MTREX: variants seen among roughly 807,000 people sequenced by gnomAD.
MTREX encodes exosome RNA helicase MTR4.
Under a neutral mutation model 135.4 loss-of-function variants are expected in MTREX, and 76 were observed. The ratio of observed to expected loss-of-function variants is 0.56; its 90% CI spans 0.47 to 0.68. The LOEUF is 0.68. MTREX is among the 30% of genes least tolerant of loss of function. The pLI is 0.00. For synonymous variants in MTREX, 404 were observed against 401.6 expected, an observed-to-expected ratio of 1.01 and a Z score of -0.07; for missense variants, 920 against 1,262.1, an observed-to-expected ratio of 0.73 and a Z score of 4.11.
rs371387162 is a variant in MTREX at position 55,353,149 on chromosome 5, G to A, written c.1432-19G>A. The A allele has an allele frequency of 1.3e-6, 2 of 1,494,380 alleles. No individual in the cohort carries two copies. Among genetic ancestry groups the A allele is most frequent in the East Asian group, 4.8e-5 (2 of 41,970 alleles). The allele number at this position is 1,494,380 out of a possible 1,614,324, so 92.6% of individuals were successfully genotyped here. ...AGCTTAAAATACATGTTTAATTATAGAATTACTTATTTACTTAGGCCTTAT... is the reference window on the plus strand; with the variant it reads ...AGCTTAAAATACATGTTTAATTATAAAATTACTTATTTACTTAGGCCTTAT... On this transcript the variant is annotated intron_variant, in intron 13 of 26. Transcript: ENST00000230640.
chr5:55,367,528 T>C (rs878962631), intron 16 of MTREX, among the ~76,000 whole-genome samples: 20 of 152,142 alleles, frequency 1.3e-4, no homozygotes, highest in African/African-American at 4.6e-4. Context: ...CCTTGTCCTT[T>C]CACCATTTCT....
At chr5:55,424,408 G>C (rs934786768) in intron 26 of MTREX, 1 of 183,614 alleles carries the variant, frequency 5.4e-6, no homozygotes, top group Non-Finnish European at 1.1e-5. Flanking sequence ...GCCTCCCAGA[G>C]TGCTGGGATT....
chr5:55,324,110 A>C (rs1749330714), intron 2 of MTREX, 22 bp from the exon 3 acceptor site: 3 of 1,583,092 alleles, frequency 1.9e-6, no homozygotes, highest in Non-Finnish European at 2.6e-6. Flanking sequence ...TTTTTGTGTA[A>C]CTTTAAACAA....
At chr5:55,358,346 A>G (rs1561196511) in intron 14 of MTREX, among the ~76,000 whole-genome samples, 1 of 152,264 alleles carries the variant, frequency 6.6e-6, no homozygotes, top group East Asian at 1.9e-4. Context: ...TAAGTCTAAA[A>G]TTTAGTTTTG....
chr5:55,310,082 T>C (rs1474244696), intron 1 of MTREX, among the ~76,000 whole-genome samples: 1 of 152,238 alleles, frequency 6.6e-6, no homozygotes, highest in East Asian at 1.9e-4. Context: ...CATGTTAGTA[T>C]ATACTTTACC....
At chr5:55,376,319 G>T (rs1750299720) in intron 16 of MTREX, among the ~76,000 whole-genome samples, 1 of 152,224 alleles carries the variant, frequency 6.6e-6, no homozygotes, top group South Asian at 2.1e-4. Context: ...CACTGCATTT[G>T]CATGCGACGT....
chr5:55,352,093 C>G (rs1230762114), intron 13 of MTREX, among the ~76,000 whole-genome samples: 3 of 151,544 alleles, frequency 2.0e-5, no homozygotes, highest in Admixed American at 6.6e-5. Flanking sequence ...CCATGTTGGC[C>G]AGGCTGGTCT....
At chr5:55,413,778 T>C (rs1321161565) in intron 23 of MTREX, among the ~76,000 whole-genome samples, 1 of 152,226 alleles carries the variant, frequency 6.6e-6, no homozygotes, top group African/African-American at 2.4e-5. Flanking sequence ...AACTTTTCAG[T>C]TTCTACAGAT....
At chr5:55,376,487 G>T (rs551883575) in intron 16 of MTREX, among the ~76,000 whole-genome samples, 1 of 152,328 alleles carries the variant, frequency 6.6e-6, no homozygotes, top group African/African-American at 2.4e-5. Context: ...TTGGTGTAAT[G>T]CCATTCCAGC....
chr5:55,405,790 A>G (rs1200727148), intron 22 of MTREX, among the ~76,000 whole-genome samples: 1 of 152,184 alleles, frequency 6.6e-6, no homozygotes, highest in Non-Finnish European at 1.5e-5. Flanking sequence ...AGCTTTCTTA[A>G]AAATATAAAG....
chr5:55,366,619 G>T, intron 15 of MTREX, 106 bp from the exon 16 acceptor site: 1 of 773,872 alleles, frequency 1.3e-6, no homozygotes, highest in South Asian at 3.6e-5. Context: ...ATACATTTCT[G>T]TAGTATTTCT....
intron 6 of MTREX, among the ~76,000 whole-genome samples, chr5:55,340,529 T>C (rs1749627393): frequency 6.6e-6 from 1 of 152,036 alleles, no homozygotes; most frequent in Non-Finnish European, 1.5e-5. Flanking sequence ...CATGTGACTT[T>C]GCCGTCTTCT....
At chr5:55,403,858 A>G (rs1174800050) in intron 21 of MTREX, among the ~76,000 whole-genome samples, 1 of 152,172 alleles carries the variant, frequency 6.6e-6, no homozygotes, top group East Asian at 1.9e-4. Context: ...TTTATCACTC[A>G]GTAGCCCTGT....
At chr5:55,409,535 T>C (rs567451510) in intron 22 of MTREX, among the ~76,000 whole-genome samples, 3 of 152,216 alleles carry the variant, frequency 2.0e-5, no homozygotes, top group Non-Finnish European at 4.4e-5. Flanking sequence ...ATAATAAATA[T>C]ATTGTCCTTA....
intron 25 of MTREX, among the ~76,000 whole-genome samples, chr5:55,422,083 T>G (rs1440824326): frequency 6.6e-6 from 1 of 152,186 alleles, no homozygotes; most frequent in Admixed American, 6.5e-5. Flanking sequence ...AGACTGCATT[T>G]TGAGAACTGG....
chr5:55,413,949 G>A (rs185436350), intron 23 of MTREX, among the ~76,000 whole-genome samples: 238 of 152,260 alleles, frequency 1.6e-3, no homozygotes, highest in African/African-American at 5.2e-3. Context: ...TGCAAATTTA[G>A]CGGTGTATTT....
intron 25 of MTREX, 137 bp downstream of exon 25, chr5:55,416,269 A>T: frequency 1.8e-6 from 1 of 541,330 alleles, no homozygotes. Flanking sequence ...TATATAGATT[A>T]AAAAATATTC....
At chr5:55,408,354 C>T (rs1024286693) in intron 22 of MTREX, among the ~76,000 whole-genome samples, 1 of 152,158 alleles carries the variant, frequency 6.6e-6, no homozygotes, top group African/African-American at 2.4e-5. Context: ...TTAGAGCACT[C>T]TGTTAAACCA....
chr5:55,361,943 G>T (rs1193079056), intron 15 of MTREX, among the ~76,000 whole-genome samples: 1 of 144,534 alleles, frequency 6.9e-6, no homozygotes, highest in Non-Finnish European at 1.5e-5. Flanking sequence ...TGGAGACAAG[G>T]TCTTGCTCTG....
Sources: allele counts gnomAD v4.1 joint callset (sites outside exome capture counted in the v4.1 genomes callset), GRCh38; gene constraint gnomAD v4.1.1; transcripts MANE v1.5; gene names NCBI Gene and HGNC (gene_info 2026-07-23, HGNC 2026-07-21).